The following PLXDC2 variants were observed in gnomAD, a reference collection of about 807,000 sequenced individuals.
PLXDC2 encodes the protein plexin domain-containing protein 2.
A neutral mutation model predicts 68.9 loss-of-function variants in PLXDC2; 40 were observed. The ratio of observed to expected loss-of-function variants is 0.58; its 90% confidence interval spans 0.45 to 0.76. The LOEUF (loss-of-function observed/expected upper bound fraction) is 0.76, where lower values mean the gene tolerates loss of function less well. Ranked by LOEUF, PLXDC2 falls within the 30% of genes least tolerant of loss-of-function variation. The pLI is 0.00. For missense variants in PLXDC2, 644 were observed against 661.9 expected, an observed-to-expected ratio of 0.97 and a Z score of 0.30; for synonymous variants, 243 against 234.2, an observed-to-expected ratio of 1.04 and a Z score of -0.34.
chr10:20,240,782 A>G (rs1211415483), intron 12 of PLXDC2, among the ~76,000 whole-genome samples: 3 of 151,806 alleles, frequency 2.0e-5, no homozygotes, highest in Non-Finnish European at 4.4e-5. Context: ...CTATGTGTGC[A>G]ATTTTGGTCC....
chr10:20,211,585 T>C, intron 9 of PLXDC2, 84 bp from the exon 10 acceptor site: 2 of 1,203,638 alleles, frequency 1.7e-6, no homozygotes, highest in Non-Finnish European at 2.4e-6. Flanking sequence ...ATGAACTACC[T>C]ACTAATCTTT....
At chr10:20,093,118 T>C (rs10827964) in intron 4 of PLXDC2, among the ~76,000 whole-genome samples, 16,379 of 152,202 alleles carry the variant, frequency 0.11, 1,036 homozygotes, top group South Asian at 0.3. Flanking sequence ...TCTGTCCTTA[T>C]AATTGATTAA....
At chr10:20,066,188 C>G (rs1325547687) in intron 3 of PLXDC2, among the ~76,000 whole-genome samples, 1 of 152,230 alleles carries the variant, frequency 6.6e-6, no homozygotes, top group Non-Finnish European at 1.5e-5. Flanking sequence ...ATTTCAGTCA[C>G]TGGTGTTGCT....
intron 1 of PLXDC2, among the ~76,000 whole-genome samples, chr10:19,925,128 G>T (rs1833519196): frequency 6.6e-6 from 1 of 152,174 alleles, no homozygotes; most frequent in African/African-American, 2.4e-5. Context: ...TGACACCAGT[G>T]AACTGTATTT....
chr10:20,050,121 T>G (rs982202586), intron 3 of PLXDC2, among the ~76,000 whole-genome samples: 4 of 152,138 alleles, frequency 2.6e-5, no homozygotes, highest in Non-Finnish European at 5.9e-5. Context: ...AAAGACTCCC[T>G]GTTCAATAAA....
chr10:20,288,437 T>A lies in PLXDC2; in HGVS notation c.*8618T>A, dbSNP rs541965488. Reference sequence around the variant, plus strand: ...GCCCATACTTCTCGGTGACCTTCTGTTGAACGTACCTGAGCCTGCAAATGT... The same window carrying A: ...GCCCATACTTCTCGGTGACCTTCTGATGAACGTACCTGAGCCTGCAAATGT... On this transcript the variant is annotated 3_prime_UTR_variant, in exon 14 of 14. Coordinates refer to ENST00000377252, the MANE Select transcript of PLXDC2 (RefSeq NM_032812.9). The A allele has an allele frequency of 2.0e-5, 3 of 152,194 alleles. No homozygotes were observed. The East Asian group carries it at 5.8e-4, about 29-fold the overall frequency. 9.4% of individuals were successfully genotyped at this position (152,194 alleles called of 1,614,324 possible). A position where few individuals can be genotyped will look rare whatever the true frequency, so the allele number is the denominator to read the frequency against.
intron 1 of PLXDC2, among the ~76,000 whole-genome samples, chr10:19,981,915 T>C (rs1293852073): frequency 6.6e-6 from 1 of 152,238 alleles, no homozygotes; most frequent in East Asian, 1.9e-4. Context: ...AGCTTTCTTG[T>C]GAACCCTAAC....
Position 19,982,758 on chromosome 10 carries a change from GT to G in PLXDC2, c.113-19013del, listed in dbSNP as rs1211068804. 7.2e-5 allele frequency among the ~76,000 whole-genome samples: 11 copies of G among 152,000 alleles called. No homozygotes were observed. In the South Asian group the frequency reaches 2.3e-3, roughly 32 times the overall value. ...TCTGTAAAAATCAGCTTATTTATTA[GT>G]TTTGGTGGATACACAATATAGGATT... On this transcript the variant is annotated intron_variant, in intron 1 of 13. Coordinates refer to ENST00000377252, the MANE Select transcript of PLXDC2 (RefSeq NM_032812.9).
intron 2 of PLXDC2, among the ~76,000 whole-genome samples, chr10:20,012,484 T>C (rs1202767333): frequency 6.6e-6 from 1 of 151,342 alleles, no homozygotes; most frequent in Non-Finnish European, 1.5e-5. Flanking sequence ...CCCAGCTTTT[T>C]TTTTTTTCTT....
intron 1 of PLXDC2, among the ~76,000 whole-genome samples, chr10:19,960,759 CA>C (rs1435944538): frequency 6.6e-6 from 1 of 152,142 alleles, no homozygotes; most frequent in Non-Finnish European, 1.5e-5. Flanking sequence ...TTCCATATTA[CA>C]ATAAACATTT....
At chr10:19,960,607 A>G (rs534750599) in intron 1 of PLXDC2, among the ~76,000 whole-genome samples, 3 of 152,222 alleles carry the variant, frequency 2.0e-5, no homozygotes, top group Admixed American at 1.3e-4. Context: ...CAGATACTCT[A>G]AAGTTGAATT....
At chr10:20,075,419 G>A (rs1836422131) in intron 4 of PLXDC2, among the ~76,000 whole-genome samples, 1 of 152,068 alleles carries the variant, frequency 6.6e-6, no homozygotes, top group African/African-American at 2.4e-5. Flanking sequence ...CAAACTCCTA[G>A]CCTCTAGCAA....
intron 4 of PLXDC2, among the ~76,000 whole-genome samples, chr10:20,079,313 TCA>T (rs1377738654): frequency 6.6e-6 from 1 of 152,194 alleles, no homozygotes; most frequent in East Asian, 1.9e-4. Context: ...AGATACCAGC[TCA>T]TGCTGGTTAG....
chr10:19,879,292 T>A (rs1837686729), intron 1 of PLXDC2, among the ~76,000 whole-genome samples: 1 of 152,210 alleles, frequency 6.6e-6, no homozygotes, highest in South Asian at 2.1e-4. Flanking sequence ...TGATGATTTA[T>A]AAAATACTAT....
Position 20,284,407 on chromosome 10 carries a change from A to ATGTGTGTGTGTGTGTGTGTGTG in PLXDC2, c.*4600_*4621dup, listed in dbSNP as rs570410455. ...ATATTTGATAGAGATGATAGCAATT[A>ATGTGTGTGTGTGTGTGTGTGTG]TGTGTGTGTGTGTGTGTGTGTGTGT... On this transcript the variant is annotated 3_prime_UTR_variant, in exon 14 of 14. Coordinates refer to ENST00000377252, the MANE Select transcript of PLXDC2 (RefSeq NM_032812.9). The ATGTGTGTGTGTGTGTGTGTGTG allele has an allele frequency of 7.4e-6, 1 of 135,900 alleles. No individual in the cohort carries two copies. Among genetic ancestry groups the ATGTGTGTGTGTGTGTGTGTGTG allele is most frequent in the Non-Finnish European group, 1.6e-5 (1 of 63,606 alleles). 8.4% of individuals were successfully genotyped at this position (135,900 alleles called of 1,614,324 possible).
intron 4 of PLXDC2, among the ~76,000 whole-genome samples, chr10:20,078,392 A>G (rs1429075841): frequency 6.6e-6 from 1 of 152,204 alleles, no homozygotes; most frequent in Non-Finnish European, 1.5e-5. Context: ...CTAAAAAAAT[A>G]GAATAAAATC....
At position 19,954,889 on chromosome 10, in the gene PLXDC2, C is replaced by A. The variant is rs564915625; in HGVS notation, c.113-46886C>A. Among the ~76,000 whole-genome samples, 16 of 152,236 alleles carry A rather than the reference C, an allele frequency of 1.1e-4. No individual in the cohort carries two copies. The South Asian group carries it at 3.3e-3, about 32-fold the overall frequency. ...ATTCCTTAACTGGCACTCTTGCCCC[C>A]CCATCCCTGTCGTATCTATCTGTAC... On this transcript the variant is annotated intron_variant, in intron 1 of 13. Coordinates refer to ENST00000377252, the MANE Select transcript of PLXDC2 (RefSeq NM_032812.9).
chr10:19,896,263 A>G (rs1838056764), intron 1 of PLXDC2, among the ~76,000 whole-genome samples: 1 of 152,184 alleles, frequency 6.6e-6, no homozygotes, highest in South Asian at 2.1e-4. Context: ...ACACACATGG[A>G]AGGGAAGGCA....
chr10:19,890,796 T>C (rs1837945524), intron 1 of PLXDC2, among the ~76,000 whole-genome samples: 2 of 151,120 alleles, frequency 1.3e-5, no homozygotes, highest in Non-Finnish European at 1.5e-5. Flanking sequence ...AGACTTCTTG[T>C]ACTTGTGCAA....
Sources: gnomAD v4.1 joint callset for allele counts (sites outside exome capture counted in the v4.1 genomes callset) on GRCh38, gnomAD v4.1.1 for gene constraint, MANE v1.5 for transcripts, NCBI Gene and HGNC (gene_info 2026-07-23, HGNC 2026-07-21) for gene names.